ARAP1: variants seen among roughly 807,000 people sequenced by gnomAD.
ARAP1 encodes the protein arf-GAP with Rho-GAP domain, ANK repeat and PH domain-containing protein 1.
A neutral mutation model predicts 172.2 loss-of-function variants in ARAP1; 76 were observed. That is an observed-to-expected ratio of 0.44 (90% CI 0.37 to 0.53). ARAP1 has a LOEUF of 0.53. ARAP1 is among the 20% of genes least tolerant of loss of function. The pLI, the probability that ARAP1 is intolerant of heterozygous loss-of-function variation, is 0.00. For synonymous variants in ARAP1, 804 were observed against 803.3 expected (o/e 1.00, Z -0.01); for missense variants, 1,686 against 1,977.5 (o/e 0.85, Z 2.80).
intron 12 of ARAP1, among the ~76,000 whole-genome samples, 185 bp downstream of exon 12, chr11:72,706,990 G>T (rs1165165286): frequency 2.6e-5 from 4 of 152,228 alleles, no homozygotes; most frequent in Non-Finnish European, 5.9e-5. Context: ...GATGGGAGAA[G>T]TTGAACCCCT....
chr11:72,714,633 G>A (rs1857196391), intron 3 of ARAP1, among the ~76,000 whole-genome samples: 1 of 152,188 alleles, frequency 6.6e-6, no homozygotes, highest in African/African-American at 2.4e-5. Flanking sequence ...CCAGAATGGG[G>A]AGTCAGGGAA....
At position 72,741,369 on chromosome 11, in the gene ARAP1, G is replaced by A. The variant is rs911910714; in HGVS notation, c.-127-8772C>T. Among the ~76,000 whole-genome samples the A allele has an allele frequency of 2.0e-5, 3 of 151,962 alleles. No individual in the cohort carries two copies. The highest frequency in any genetic ancestry group is 7.3e-5 in the African/African-American group (3 of 41,364). The stretch of plus-strand genomic sequence containing the variant: ...CCCCACTCTCCCAGTCCTCACCCTC[G>A]GCCTAGCTCAGGCCCTTCCCACTTA... On this transcript the variant is annotated intron_variant, in intron 1 of 34. Coordinates refer to ENST00000393609, the MANE Select transcript of ARAP1 (RefSeq NM_001040118.3). This position sits in a 1 kb window ranked among gnomAD's most constrained non-coding sequence, Gnocchi z 4.5.
rs751741455 is a variant in ARAP1, at chr11:72,713,262, G to A, written c.680-19C>T. On this transcript the variant is annotated intron_variant, in intron 4 of 34. Transcript: ENST00000393609. ...GAGTCATCTGGTGAGAGAGGGGTTG[G>A]GGGGCCTCAGGGCAAGGGGCCTGGC... 3 of 1,612,872 alleles carry A rather than the reference G, an allele frequency of 1.9e-6. No individual in the cohort carries two copies. Among genetic ancestry groups the A allele is most frequent in the Non-Finnish European group, 8.5e-7 (1 of 1,178,972 alleles).
chr11:72,702,201 G>A (rs929975736), intron 15 of ARAP1, among the ~76,000 whole-genome samples: 3 of 152,218 alleles, frequency 2.0e-5, no homozygotes, highest in African/African-American at 4.8e-5. Context: ...CACGGTCAGC[G>A]CCGTGGGGGG....
Position 72,726,681 on chromosome 11 carries a change from A to G in ARAP1, c.448T>C (p.Leu150=), listed in dbSNP as rs1199638357. The G allele has an allele frequency of 6.5e-7, 1 of 1,547,074 alleles. No individual in the cohort carries two copies. The highest frequency in any genetic ancestry group is 1.2e-5 in the South Asian group (1 of 83,438). The change falls in exon 3 of 35, where the codon TTG becomes CTG. Residue 150 remains leucine, a synonymous_variant. Coordinates refer to ENST00000393609, the MANE Select transcript of ARAP1 (RefSeq NM_001040118.3). This position sits in a 1 kb window ranked among gnomAD's most constrained non-coding sequence, Gnocchi z 6.5. ...VLPPLPAKRH[L]AELSVPPVPP... ...ACGGGTGGAACGCTCAGCTCTGCCA[A>G]ATGCCGCTTAGCAGGCAGCGGGGGC... is the stretch of plus-strand genomic sequence containing the variant.
chr11:72,730,910 G>A lies in ARAP1; in HGVS notation c.-45+1605C>T, dbSNP rs901338769. On this transcript the variant is annotated intron_variant, in intron 2 of 34. Coordinates refer to ENST00000393609, the MANE Select transcript of ARAP1 (RefSeq NM_001040118.3). ...GTAGTTGTGCAATAGAATACTGAGC[G>A]GCCATAAGAATGAGGAAACTCCTCA... Among the ~76,000 whole-genome samples the A allele has an allele frequency of 5.8e-4, 88 of 152,246 alleles. 2 individuals are homozygous for A. The highest frequency in any genetic ancestry group is 2.8e-3 in the Admixed American group (43 of 15,294).
chr11:72,708,893 C>T (rs1012194123), intron 11 of ARAP1, among the ~76,000 whole-genome samples: 2 of 152,060 alleles, frequency 1.3e-5, no homozygotes, highest in African/African-American at 2.4e-5. Context: ...AAAAATTAGC[C>T]GGGCGTGGTA....
intron 18 of ARAP1, 115 bp downstream of exon 18, chr11:72,698,890 C>T (rs1166298947): frequency 2.7e-6 from 3 of 1,098,648 alleles, no homozygotes; most frequent in Non-Finnish European, 4.1e-6. Flanking sequence ...TGTCTGCTGC[C>T]CTGCATCTAG....
intron 3 of ARAP1, among the ~76,000 whole-genome samples, chr11:72,721,324 G>C (rs761478633): frequency 1.3e-5 from 2 of 152,198 alleles, no homozygotes; most frequent in Admixed American, 6.5e-5. Context: ...CTGGGGAGGA[G>C]GGGTAAGCAG....
chr11:72,703,588 C>G (rs189783909), intron 14 of ARAP1, among the ~76,000 whole-genome samples: 431 of 152,290 alleles, frequency 2.8e-3, no homozygotes, highest in Non-Finnish European at 5.2e-3. Flanking sequence ...GGGCTTCTAG[C>G]TGGACTGAGT....
intron 3 of ARAP1, among the ~76,000 whole-genome samples, chr11:72,724,845 C>T (rs1214094935): frequency 2.0e-5 from 3 of 152,220 alleles, no homozygotes; most frequent in Non-Finnish European, 4.4e-5. Context: ...GGTACTCAAA[C>T]TACAAGGGGC....
chr11:72,727,297 C>T, intron 2 of ARAP1, 125 bp from the exon 3 acceptor site: 1 of 839,024 alleles, frequency 1.2e-6, no homozygotes, highest in Non-Finnish European at 1.8e-6. Context: ...CTCCCCTGTG[C>T]TCCATGTGCT....
At position 72,697,337 on chromosome 11, in the gene ARAP1, T is replaced by C. The variant is rs886759553; in HGVS notation, c.2939A>G (p.Tyr980Cys). 6.3e-7 allele frequency: 1 copy of C among 1,593,298 alleles called. No homozygotes were observed. The highest frequency in any genetic ancestry group is 8.5e-7 in the Non-Finnish European group (1 of 1,170,262). ...IPVIVYRCVD[Y>C]ITQCGLTSEG... ...GCAGGGCTCACCGCACTGCGTGATG[T>C]AGTCCACACAGCGGTACACGATCAC... Residue 980 changes from tyrosine to cysteine, a missense_variant, in exon 21 of 35, where the codon TAC becomes TGC. By Grantham distance (194) the Tyr-to-Cys change is radical (BLOSUM62 -2). This residue lies in a region of ARAP1 where 274 missense variants were observed against 262.7 expected (regional missense o/e 1.04). Transcript: ENST00000393609.
rs1347710426 is a variant in ARAP1, at chr11:72,693,985, C to G, written c.3695-180G>C. Reference sequence around the variant, plus strand: ...ATGACCAAGCTTCAGGCTTGACACACCTGGCTGTGACCAAAGCTGCTCAAA... The same window carrying G: ...ATGACCAAGCTTCAGGCTTGACACAGCTGGCTGTGACCAAAGCTGCTCAAA... On this transcript the variant is annotated intron_variant, in intron 27 of 34. Transcript: ENST00000393609. The surrounding 1 kb of genome is among the most constrained non-coding windows in gnomAD (Gnocchi z 4.6). 6.6e-6 allele frequency among the ~76,000 whole-genome samples: 1 copy of G among 152,088 alleles called. No homozygotes were observed. The highest frequency in any genetic ancestry group is 1.5e-5 in the Non-Finnish European group (1 of 68,018).
At chr11:72,733,692 A>G (rs1857932280) in intron 1 of ARAP1, among the ~76,000 whole-genome samples, 1 of 152,232 alleles carries the variant, frequency 6.6e-6, no homozygotes, top group Non-Finnish European at 1.5e-5. Context: ...GCTCTGCATA[A>G]TGGCTTCAGT....
chr11:72,692,805 G>A lies in ARAP1; in HGVS notation c.3955-20C>T, dbSNP rs773713251. On this transcript the variant is annotated intron_variant, in intron 29 of 34. Coordinates refer to ENST00000393609, the MANE Select transcript of ARAP1 (RefSeq NM_001040118.3). ...CTGGCTCTGTTTGATAGAGGATCAG[G>A]GTTATGGAAGAAGTCCCAGGTCTAG... is the stretch of plus-strand genomic sequence containing the variant. 2 of 1,613,010 alleles carry A rather than the reference G, an allele frequency of 1.2e-6. No homozygotes were observed. Among genetic ancestry groups the A allele is most frequent in the Non-Finnish European group, 1.7e-6 (2 of 1,179,970 alleles).
At chr11:72,705,989 C>T in intron 12 of ARAP1, 99 bp from the exon 13 acceptor site, 1 of 1,233,260 alleles carries the variant, frequency 8.1e-7, no homozygotes, top group Non-Finnish European at 1.2e-6. Context: ...GGATGAGAGG[C>T]CACAGGCAGG....
intron 7 of ARAP1, 40 bp downstream of exon 7, chr11:72,712,156 C>A (rs774633103): frequency 3.9e-6 from 6 of 1,529,766 alleles, no homozygotes; most frequent in Non-Finnish European, 5.2e-6. Context: ...CCCCCACCCC[C>A]CCATGCAGAG....
chr11:72,717,349 G>A (rs1857323940), intron 3 of ARAP1, among the ~76,000 whole-genome samples: 1 of 152,186 alleles, frequency 6.6e-6, no homozygotes, highest in African/African-American at 2.4e-5. Context: ...CAGGGAGGTG[G>A]GGACAGGTGC....
Sources: gnomAD v4.1 joint callset for allele counts (sites outside exome capture counted in the v4.1 genomes callset) on GRCh38, gnomAD v4.1.1 for gene constraint, gnomAD v4.1.1 regional missense constraint, Gnocchi (gnomAD v3.1) non-coding constraint, MANE v1.5 for transcripts, NCBI Gene and HGNC (gene_info 2026-07-23, HGNC 2026-07-21) for gene names.